The following BOD1L1 variants were observed in gnomAD, a reference collection of about 807,000 sequenced individuals.
BOD1L1 encodes the protein biorientation of chromosomes in cell division protein 1-like 1.
BOD1L1 carries 86 observed loss-of-function variants against 240.7 expected under a neutral mutation model. The observed-to-expected ratio is 0.36, with a 90% CI of 0.30 to 0.43. BOD1L1 has a LOEUF of 0.43. Among genes scored for constraint, BOD1L1 ranks in the 20% least tolerant of loss-of-function variants. BOD1L1 has a pLI of 1.00. For missense variants in BOD1L1, 3,554 were observed against 3,643.5 expected, an observed-to-expected ratio of 0.98 and a Z score of 0.63; for synonymous variants, 1,268 against 1,272.3, an observed-to-expected ratio of 1.00 and a Z score of 0.07.
intron 1 of BOD1L1, chr4:13,623,645 A>G (rs1717193537): frequency 6.6e-6 from 1 of 152,196 alleles, no homozygotes; most frequent in South Asian, 2.1e-4. Flanking sequence ...ACTATCAATG[A>G]CCCTGGACAG....
At chr4:13,619,499 C>T (rs1251016079) in intron 2 of BOD1L1, among the ~76,000 whole-genome samples, 1 of 151,860 alleles carries the variant, frequency 6.6e-6, no homozygotes, top group Admixed American at 6.6e-5. Flanking sequence ...ATGCAAAAGA[C>T]GGGGGCACTG....
chr4:13,602,223 T>A lies in BOD1L1; in HGVS notation c.4677A>T (p.Ala1559=). 1 of 1,613,778 alleles carries A rather than the reference T, an allele frequency of 6.2e-7. No individual in the cohort carries two copies. Among genetic ancestry groups the A allele is most frequent in the Non-Finnish European group, 8.5e-7 (1 of 1,179,782 alleles). ...EVALPCTSIE[A]DEGLIIGTHS... ...GTGTTCCTATTATGAGGCCTTCATC[T>A]GCCTCAATGCTGGTGCAAGGCAAAG... The change falls in exon 10 of 26, where the codon GCA becomes GCT. Residue 1559 remains alanine, a synonymous_variant. Coordinates refer to ENST00000040738, the MANE Select transcript of BOD1L1 (RefSeq NM_148894.3).
chr4:13,598,151 C>T (rs530565597), intron 10 of BOD1L1, among the ~76,000 whole-genome samples: 6 of 152,228 alleles, frequency 3.9e-5, no homozygotes, highest in East Asian at 3.9e-4. Context: ...TGAAGTTGGA[C>T]GGTATAAGGC....
At chr4:13,578,727 A>T (rs1161875568) in intron 22 of BOD1L1, among the ~76,000 whole-genome samples, 1 of 152,146 alleles carries the variant, frequency 6.6e-6, no homozygotes, top group Non-Finnish European at 1.5e-5. Context: ...TGGACTTTTC[A>T]ATTTCAGTGT....
chr4:13,622,697 A>G (rs867940304), intron 1 of BOD1L1, among the ~76,000 whole-genome samples: 1 of 152,220 alleles, frequency 6.6e-6, no homozygotes, highest in African/African-American at 2.4e-5. Flanking sequence ...CTCATGCAGA[A>G]TTCTATCCTT....
In BOD1L1 at chr4:13,576,887, C is replaced by G. The variant is rs140860052; in HGVS notation, c.8989G>C (p.Glu2997Gln). Residue 2997 changes from glutamate (E) to glutamine (Q), a missense_variant, in exon 25 of 26, where the codon GAG becomes CAG. Physicochemically the swap from Glu to Gln is conservative, Grantham distance 29. Transcript: ENST00000040738. ...GATCTTGTGGTGGCTCCTGAAGGCT[C>G]GTCCTCTTCCTCTTCTTCCTCTTCC... ...DEEEEEEEED[E>Q]PSGATTRSTT... 1.9e-6 allele frequency: 3 copies of G among 1,614,012 alleles called. No homozygotes were observed. Among genetic ancestry groups the G allele is most frequent in the Non-Finnish European group, 2.5e-6 (3 of 1,179,886 alleles).
In BOD1L1 at chr4:13,607,861, G is replaced by C. The variant is rs925185821; in HGVS notation, c.1742+669C>G. Reference sequence around the variant, plus strand: ...TATTTATTCAGATCAATAAGGATGAGAGGTAATAATAGTAAGAAATTTGAG... The same window carrying C: ...TATTTATTCAGATCAATAAGGATGACAGGTAATAATAGTAAGAAATTTGAG... On this transcript the variant is annotated intron_variant, in intron 8 of 25. Transcript: ENST00000040738. Among the ~76,000 whole-genome samples, 9 of 152,166 alleles carry C rather than the reference G, an allele frequency of 5.9e-5. 1 individual carries two copies. Among genetic ancestry groups the C allele is most frequent in the Admixed American group, 5.9e-4 (9 of 15,278 alleles).
At chr4:13,586,250 C>A (rs1713675170) in intron 17 of BOD1L1, 146 bp downstream of exon 17, 2 of 429,718 alleles carry the variant, frequency 4.7e-6, no homozygotes, top group Admixed American at 4.3e-5. Context: ...AAAAAATAGA[C>A]ACCTTTTATA....
In BOD1L1 at chr4:13,601,174, C is replaced by G. The variant is rs1715123139; in HGVS notation, c.5726G>C (p.Gly1909Ala). Residue 1909 changes from glycine to alanine, a missense_variant, in exon 10 of 26, where the codon GGT (glycine) becomes GCT (alanine). Transcript: ENST00000040738. ...AGCTTCCACATGCTCTACCACAGTA[C>G]CAATCTGACTGTCCCCTTCTGCACT... ...CESAEGDSQI[G>A]TVVEHVEAEA... 1 of 1,613,886 alleles carries G rather than the reference C, an allele frequency of 6.2e-7. No individual in the cohort carries two copies. Among genetic ancestry groups the G allele is most frequent in the Non-Finnish European group, 8.5e-7 (1 of 1,179,902 alleles).
intron 22 of BOD1L1, among the ~76,000 whole-genome samples, chr4:13,579,621 CAATATTGACAAATAAT>C (rs1713061521): frequency 6.6e-6 from 1 of 152,142 alleles, no homozygotes; most frequent in Non-Finnish European, 1.5e-5. Context: ...AAAATGCAAG[CAATATTGACAAATAAT>C]ATGGAATGCT....
chr4:13,608,497 T>C, intron 8 of BOD1L1, 33 bp downstream of exon 8: 1 of 1,478,400 alleles, frequency 6.8e-7, no homozygotes, highest in East Asian at 2.5e-5. Flanking sequence ...AGGGGAGTGT[T>C]ATAAGGGAAA....
Position 13,603,277 on chromosome 4 carries a change from T to C in BOD1L1, c.3623A>G (p.His1208Arg), listed in dbSNP as rs752930196. The change falls in exon 10 of 26, where the codon CAT becomes CGT. Residue 1208 changes from histidine (H) to arginine (R), a missense_variant. Physicochemically the swap from His to Arg is conservative, Grantham distance 29 (BLOSUM62 0). This residue lies in a region of BOD1L1 where 3,393 missense variants were observed against 3,427.1 expected (regional missense o/e 0.99). Transcript: ENST00000040738. ...DHRSTLTKKMHIQSAVSKMNP... is the reference protein window; with the variant it reads ...DHRSTLTKKMRIQSAVSKMNP... ...CATTTTGGACACAGCACTTTGTATA[T>C]GCATTTTCTTGGTCAAGGTGCTTCT... 5.6e-6 allele frequency: 9 copies of C among 1,614,032 alleles called. No individual in the cohort carries two copies. In the Admixed American group the frequency reaches 6.7e-5, roughly 12 times the overall value.
Position 13,582,244 on chromosome 4 carries a change from G to T in BOD1L1, c.8585C>A (p.Ser2862Tyr). Residue 2862 changes from serine (S) to tyrosine (Y), a missense_variant, in exon 19 of 26, where the codon TCT becomes TAT. By Grantham distance (144) the Ser-to-Tyr change is moderately radical. Coordinates refer to ENST00000040738, the MANE Select transcript of BOD1L1 (RefSeq NM_148894.3). Reference sequence around the variant, plus strand: ...ACGAAAAGCACATCTCACCTCCTGAGATTTTATGGTGTCATCATCGTTCTG... The same window carrying T: ...ACGAAAAGCACATCTCACCTCCTGATATTTTATGGTGTCATCATCGTTCTG... ...PEQNDDDTIK[S>Y]QEEDQPIIIK... 1 of 1,612,260 alleles carries T rather than the reference G, an allele frequency of 6.2e-7. No individual in the cohort carries two copies. The highest frequency in any genetic ancestry group is 1.7e-5 in the Admixed American group (1 of 59,866).
chr4:13,588,655 C>T (rs1713922160), intron 15 of BOD1L1, 67 bp downstream of exon 15: 2 of 1,169,080 alleles, frequency 1.7e-6, no homozygotes, highest in East Asian at 5.1e-5. Flanking sequence ...CTTTCTAAAG[C>T]CCTTCTTTGT....
chr4:13,611,412 C>T (rs1411801448), intron 5 of BOD1L1, among the ~76,000 whole-genome samples: 1 of 152,160 alleles, frequency 6.6e-6, no homozygotes, highest in African/African-American at 2.4e-5. Context: ...GGCGTTGGAA[C>T]CAGGAGAGGT....
chr4:13,584,130 C>CATA (rs1420096300), intron 17 of BOD1L1, among the ~76,000 whole-genome samples: 16 of 152,296 alleles, frequency 1.1e-4, no homozygotes, highest in Admixed American at 2.6e-4. Flanking sequence ...AGATAAAAGG[C>CATA]ATATATAAAT....
intron 2 of BOD1L1, among the ~76,000 whole-genome samples, chr4:13,617,422 T>C (rs1716700185): frequency 6.6e-6 from 1 of 152,132 alleles, no homozygotes; most frequent in Non-Finnish European, 1.5e-5. Flanking sequence ...GCTCTAATCT[T>C]ACAGAAAAAT....
intron 1 of BOD1L1, chr4:13,625,453 G>A (rs1255888559): frequency 1.3e-5 from 2 of 152,184 alleles, no homozygotes; most frequent in African/African-American, 2.4e-5. Context: ...TTACTTTGAA[G>A]GGTCTGGCAG....
At position 13,603,758 on chromosome 4, in the gene BOD1L1, C is replaced by T. The variant is rs779732751; in HGVS notation, c.3142G>A (p.Val1048Ile). ...NKSDDKDGKE[V>I]DSSHEKARGN... is the part of the protein sequence containing the mutation. The stretch of plus-strand genomic sequence containing the variant: ...CTGGCCTTTTCATGACTACTGTCAA[C>T]TTCTTTACCATCCTTGTCATCTGAT... Residue 1048 changes from valine (V) to isoleucine (I), a missense_variant, in exon 10 of 26, where the codon GTT (valine) becomes ATT (isoleucine). Coordinates refer to ENST00000040738, the MANE Select transcript of BOD1L1 (RefSeq NM_148894.3). 6.8e-6 allele frequency: 11 copies of T among 1,613,712 alleles called. No homozygotes were observed. Among genetic ancestry groups the T allele is most frequent in the Admixed American group, 3.3e-5 (2 of 59,968 alleles).
Sources: gnomAD v4.1 joint callset for allele counts (sites outside exome capture counted in the v4.1 genomes callset) on GRCh38, gnomAD v4.1.1 for gene constraint, gnomAD v4.1.1 regional missense constraint, MANE v1.5 for transcripts, NCBI Gene and HGNC (gene_info 2026-07-23, HGNC 2026-07-21) for gene names.